Variants in CSMD1 observed in about 807,000 individuals in gnomAD.
CSMD1 encodes the protein CUB and Sushi multiple domains 1.
In CSMD1, 213 loss-of-function variants were observed where a neutral mutation model predicts 417.5. The ratio of observed to expected loss-of-function variants is 0.51; its 90% CI spans 0.46 to 0.57. The LOEUF (loss-of-function observed/expected upper bound fraction) is 0.57, where lower values mean the gene tolerates loss of function less well. Among genes scored for constraint, CSMD1 ranks in the 20% least tolerant of loss-of-function variants. The pLI is 0.00. For synonymous variants in CSMD1, 2,862 were observed against 1,736.8 expected, an observed-to-expected ratio of 1.65 and a Z score of -16.11; for missense variants, 6,923 against 4,529.7, an observed-to-expected ratio of 1.53 and a Z score of -15.17.
chr8:3,638,609 T>C lies in CSMD1; in HGVS notation c.1010-21812A>G, dbSNP rs532303955. ...GGAAAGGGTCAGAATGTGCTACCTTTCTCCTGCCCAGTCATGTGGAGGAGC... is the reference window on the plus strand; with the variant it reads ...GGAAAGGGTCAGAATGTGCTACCTTCCTCCTGCCCAGTCATGTGGAGGAGC... On this transcript the variant is annotated intron_variant, in intron 7 of 69. Transcript: ENST00000635120. Among the ~76,000 whole-genome samples, 3 of 152,230 alleles carry C rather than the reference T, an allele frequency of 2.0e-5. No individual in the cohort carries two copies. In the East Asian group the frequency reaches 5.8e-4, roughly 29 times the overall value.
At chr8:3,538,448 G>GCACCTGAGATGCCTCACCTGAGATGATA (rs1798296315) in intron 10 of CSMD1, among the ~76,000 whole-genome samples, 2 of 151,452 alleles carry the variant, frequency 1.3e-5, no homozygotes, top group South Asian at 4.2e-4. Flanking sequence ...CTGAGATGAT[G>GCACCTGAGATGCCTCACCTGAGATGATA]CACCTGAGAT....
intron 12 of CSMD1, among the ~76,000 whole-genome samples, chr8:3,455,618 A>C (rs968115203): frequency 6.6e-6 from 1 of 152,246 alleles, no homozygotes; most frequent in East Asian, 1.9e-4. Flanking sequence ...CAGAGGCTGC[A>C]GAACAGTGGA....
intron 5 of CSMD1, among the ~76,000 whole-genome samples, chr8:3,768,364 T>C (rs1272780809): frequency 6.6e-6 from 1 of 152,184 alleles, no homozygotes; most frequent in Non-Finnish European, 1.5e-5. Context: ...ATTGGGAAAT[T>C]CCAAACACCC....
At chr8:4,024,485 C>G (rs1796958908) in intron 4 of CSMD1, among the ~76,000 whole-genome samples, 1 of 152,118 alleles carries the variant, frequency 6.6e-6, no homozygotes, top group Non-Finnish European at 1.5e-5. Context: ...ATGAGACCAC[C>G]CAAACTATAG....
chr8:3,767,566 A>G (rs1005848226), intron 5 of CSMD1, among the ~76,000 whole-genome samples: 2 of 152,182 alleles, frequency 1.3e-5, no homozygotes, highest in African/African-American at 4.8e-5. Context: ...CTGATTGCTG[A>G]CCTTATCCAA....
chr8:4,583,990 C>G (rs545192139), intron 2 of CSMD1, among the ~76,000 whole-genome samples: 1 of 151,808 alleles, frequency 6.6e-6, no homozygotes, highest in African/African-American at 2.4e-5. Context: ...ACAAGCCCAC[C>G]GGGAGGGGAG....
chr8:4,440,204 C>G (rs1798387154), intron 2 of CSMD1, among the ~76,000 whole-genome samples: 1 of 152,092 alleles, frequency 6.6e-6, no homozygotes, highest in Non-Finnish European at 1.5e-5. Flanking sequence ...GATCCAGCAA[C>G]CTTTTGAAAT....
intron 3 of CSMD1, among the ~76,000 whole-genome samples, chr8:4,332,944 TA>T (rs35103998): frequency 5.2e-4 from 74 of 143,626 alleles, no homozygotes; most frequent in South Asian, 2.2e-3. Context: ...TATAAAAATC[TA>T]AAAAAAAAAA....
chr8:4,365,520 T>G lies in CSMD1; in HGVS notation c.415+54433A>C, dbSNP rs1041598767. Among the ~76,000 whole-genome samples the G allele has an allele frequency of 3.3e-5, 5 of 152,366 alleles. No homozygotes were observed. In the South Asian group the frequency reaches 1.0e-3, roughly 32 times the overall value. ...GTGCTACGAATCCAGGCGTTGTGAT[T>G]AAATTCCCTGTGATATCAGAGACAG... On this transcript the variant is annotated intron_variant, in intron 3 of 69. Transcript: ENST00000635120.
intron 2 of CSMD1, among the ~76,000 whole-genome samples, chr8:4,593,102 T>C (rs1370421348): frequency 6.6e-6 from 1 of 152,190 alleles, no homozygotes; most frequent in Non-Finnish European, 1.5e-5. Context: ...CCGGGCCATT[T>C]CTTGGTCTCA....
At chr8:4,162,430 A>C (rs998188072) in intron 3 of CSMD1, among the ~76,000 whole-genome samples, 7 of 152,218 alleles carry the variant, frequency 4.6e-5, no homozygotes, top group Non-Finnish European at 8.8e-5. Flanking sequence ...CTGATAAAAT[A>C]ATAAACAGAA....
intron 4 of CSMD1, among the ~76,000 whole-genome samples, chr8:4,006,171 CA>C (rs1816094032): frequency 6.6e-6 from 1 of 152,182 alleles, no homozygotes; most frequent in Admixed American, 6.5e-5. Context: ...TTCCCCATGA[CA>C]TTTTTGGGTG....
chr8:4,293,004 G>A (rs542687578), intron 3 of CSMD1, among the ~76,000 whole-genome samples: 4 of 152,190 alleles, frequency 2.6e-5, no homozygotes, highest in East Asian at 1.9e-4. Flanking sequence ...CAGGTGCAGA[G>A]GGGCAAGGGA....
chr8:2,998,511 G>T (rs1807113718), intron 53 of CSMD1, among the ~76,000 whole-genome samples: 1 of 152,174 alleles, frequency 6.6e-6, no homozygotes, highest in Non-Finnish European at 1.5e-5. Context: ...AACAAGAGAT[G>T]CTAAAAATTC....
At chr8:4,374,068 A>G (rs368507299) in intron 3 of CSMD1, among the ~76,000 whole-genome samples, 13 of 152,186 alleles carry the variant, frequency 8.5e-5, no homozygotes, top group East Asian at 7.7e-4. Context: ...TAATATAATC[A>G]ATAATGAAGT....
intron 3 of CSMD1, among the ~76,000 whole-genome samples, chr8:4,043,441 C>G (rs753613025): frequency 6.6e-6 from 1 of 152,146 alleles, no homozygotes; most frequent in Non-Finnish European, 1.5e-5. Flanking sequence ...AGGTGCACAT[C>G]ATGATAATGG....
intron 4 of CSMD1, among the ~76,000 whole-genome samples, chr8:4,017,961 G>C (rs933144499): frequency 1.3e-5 from 2 of 152,102 alleles, no homozygotes; most frequent in Non-Finnish European, 2.9e-5. Flanking sequence ...AACTATAGCG[G>C]CATGCATTTA....
At chr8:4,042,339 G>C (rs963590812) in intron 3 of CSMD1, among the ~76,000 whole-genome samples, 5 of 152,138 alleles carry the variant, frequency 3.3e-5, no homozygotes, top group Non-Finnish European at 4.4e-5. Flanking sequence ...AAAGGGGCCA[G>C]GTGATGCCTC....
chr8:4,338,126 A>G (rs1173085823), intron 3 of CSMD1, among the ~76,000 whole-genome samples: 1 of 152,254 alleles, frequency 6.6e-6, no homozygotes, highest in East Asian at 1.9e-4. Flanking sequence ...TTTGAGAATT[A>G]CTATGATTTT....
Sources: gnomAD v4.1 joint callset for allele counts (sites outside exome capture counted in the v4.1 genomes callset) on GRCh38, gnomAD v4.1.1 for gene constraint, MANE v1.5 for transcripts, NCBI Gene and HGNC (gene_info 2026-07-23, HGNC 2026-07-21) for gene names.